The following CCDC62 variants were observed in gnomAD, a reference collection of about 807,000 sequenced individuals.
CCDC62 encodes the protein coiled-coil domain-containing protein 62.
A neutral mutation model predicts 80.8 loss-of-function variants in CCDC62; 72 were observed. The ratio of observed to expected loss-of-function variants is 0.89; its 90% CI spans 0.74 to 1.08. CCDC62 has a LOEUF of 1.08. Ranked by LOEUF, CCDC62 falls within the 50% of genes least tolerant of loss-of-function variation. The pLI, the probability that CCDC62 is intolerant of heterozygous loss-of-function variation, is 0.00. For synonymous variants in CCDC62, 286 were observed against 296.5 expected (o/e 0.96, Z 0.36); for missense variants, 704 against 809.4 (o/e 0.87, Z 1.58).
chr12:122,826,598 C>T lies in CCDC62; in HGVS notation c.*217C>T, dbSNP rs1050357340. 1 of 581,876 alleles carries T rather than the reference C, an allele frequency of 1.7e-6. No homozygotes were observed. Among genetic ancestry groups the T allele is most frequent in the Non-Finnish European group, 3.1e-6 (1 of 324,918 alleles). The allele number at this position is 581,876 out of a possible 1,614,324, so 36.0% of individuals were successfully genotyped here. On this transcript the variant is annotated 3_prime_UTR_variant, in exon 13 of 13. Coordinates refer to ENST00000253079, the MANE Select transcript of CCDC62 (RefSeq NM_201435.5). ...CATTTTCAAGTTAACCATTTTTGTG[C>T]TGAAGAAATATTTTCATGTGTAAGA...
intron 9 of CCDC62, among the ~76,000 whole-genome samples, chr12:122,803,791 A>G (rs2031437536): frequency 6.6e-6 from 1 of 152,168 alleles, no homozygotes; most frequent in Non-Finnish European, 1.5e-5. Flanking sequence ...ATCAGGGCAC[A>G]ATGCCTATTT....
intron 10 of CCDC62, among the ~76,000 whole-genome samples, chr12:122,810,916 A>G (rs1846144741): frequency 6.6e-6 from 1 of 151,930 alleles, no homozygotes; most frequent in South Asian, 2.1e-4. Context: ...AAACTATCAC[A>G]AGGACAAAAA....
At chr12:122,816,497 A>C (rs1232231866) in intron 11 of CCDC62, among the ~76,000 whole-genome samples, 3 of 152,218 alleles carry the variant, frequency 2.0e-5, no homozygotes, top group Non-Finnish European at 4.4e-5. Context: ...AGGCCAAAGC[A>C]GATGGATCAC....
Position 122,826,459 on chromosome 12 carries a change from A to T in CCDC62, c.*78A>T. On this transcript the variant is annotated 3_prime_UTR_variant, in exon 13 of 13. Transcript: ENST00000253079. The stretch of plus-strand genomic sequence containing the variant: ...TGTGGAAGGCAGAAAGCAGACACCA[A>T]TACTGAATGAATACTTAACCGTAAA... 1 of 779,606 alleles carries T rather than the reference A, an allele frequency of 1.3e-6. No individual in the cohort carries two copies. The allele number at this position is 779,606 out of a possible 1,614,324, so 48.3% of individuals were successfully genotyped here.
intron 10 of CCDC62, 119 bp downstream of exon 10, chr12:122,806,414 T>A (rs1341804518): frequency 1.4e-6 from 1 of 713,208 alleles, no homozygotes; most frequent in African/African-American, 1.8e-5. Context: ...GTTTTTTTTT[T>A]TTTTTTTTTA....
In CCDC62 at chr12:122,819,945, C is replaced by T. The variant is rs2032328670; in HGVS notation, c.2002-3421C>T. Among the ~76,000 whole-genome samples the T allele has an allele frequency of 2.0e-5, 3 of 150,884 alleles. No homozygotes were observed. In the South Asian group the frequency reaches 6.3e-4, roughly 32 times the overall value. ...GGCATGGTGGTGCACACTTGTAGTC[C>T]CAGGCACTCGGGAGGCTGGGACAGG... is the stretch of plus-strand genomic sequence containing the variant. On this transcript the variant is annotated intron_variant, in intron 11 of 12. Transcript: ENST00000253079.
chr12:122,789,019 T>A (rs2030441180), intron 5 of CCDC62, 90 bp downstream of exon 5: 1 of 1,015,694 alleles, frequency 9.8e-7, no homozygotes, highest in Non-Finnish European at 1.4e-6. Context: ...TGCTTGAGAG[T>A]AGATCAATTC....
chr12:122,777,344 A>G, intron 1 of CCDC62, 147 bp from the exon 2 acceptor site: 1 of 639,484 alleles, frequency 1.6e-6, no homozygotes. Flanking sequence ...TTAAGTATAC[A>G]TAATCTTTTG....
intron 10 of CCDC62, among the ~76,000 whole-genome samples, chr12:122,808,481 A>G (rs1037972810): frequency 6.6e-6 from 1 of 151,930 alleles, no homozygotes; most frequent in African/African-American, 2.4e-5. Context: ...TCGTTTATCT[A>G]GGAATGGAAT....
chr12:122,789,139 A>G (rs753912174), intron 5 of CCDC62, among the ~76,000 whole-genome samples: 2 of 152,258 alleles, frequency 1.3e-5, no homozygotes, highest in Non-Finnish European at 2.9e-5. Context: ...AGAATGTATC[A>G]TATTTTAAAG....
chr12:122,779,291 C>T (rs1025761301), intron 2 of CCDC62, among the ~76,000 whole-genome samples: 7 of 152,186 alleles, frequency 4.6e-5, no homozygotes, highest in African/African-American at 1.4e-4. Context: ...TAAAGTATGG[C>T]ACCAAGGGAA....
chr12:122,777,611 C>G lies in CCDC62; in HGVS notation c.157C>G (p.Gln53Glu). Residue 53 changes from glutamine to glutamate, a missense_variant, in exon 2 of 13, where the codon CAA (glutamine) becomes GAA (glutamate). Gln to Glu is a conservative substitution (Grantham distance 29). Transcript: ENST00000253079. ...ELNDMVAVHQ[Q>E]QLLSWEEDRQ... is the part of the protein sequence containing the mutation. ...CAATGACATGGTTGCAGTGCACCAG[C>G]AACAGCTTCTTTCATGGGAAGAGGA... 6.2e-7 allele frequency: 1 copy of G among 1,614,150 alleles called. No individual in the cohort carries two copies. Among genetic ancestry groups the G allele is most frequent in the Non-Finnish European group, 8.5e-7 (1 of 1,180,004 alleles).
chr12:122,808,755 T>A (rs4424710), intron 10 of CCDC62, among the ~76,000 whole-genome samples: 1 of 151,954 alleles, frequency 6.6e-6, no homozygotes, highest in Non-Finnish European at 1.5e-5. Flanking sequence ...TCAAACTCCT[T>A]ACCTCAAGCA....
At chr12:122,791,361 A>T (rs956038966) in intron 5 of CCDC62, among the ~76,000 whole-genome samples, 1 of 150,742 alleles carries the variant, frequency 6.6e-6, no homozygotes, top group African/African-American at 2.4e-5. Flanking sequence ...CTGGTTTCGA[A>T]CTCCTGACCT....
intron 1 of CCDC62, 162 bp from the exon 2 acceptor site, chr12:122,777,329 A>G (rs768734455): frequency 6.2e-5 from 37 of 596,604 alleles, no homozygotes; most frequent in African/African-American, 2.2e-4. Context: ...TAACTTGAAC[A>G]TGTTTTAAGT....
At chr12:122,795,572 C>A (rs376046253) in intron 6 of CCDC62, among the ~76,000 whole-genome samples, 2 of 152,018 alleles carry the variant, frequency 1.3e-5, no homozygotes, top group Admixed American at 1.3e-4. Flanking sequence ...TACAGGCGCC[C>A]GCCACCATGC....
At position 122,801,391 on chromosome 12, in the gene CCDC62, A is replaced by G. The variant is rs147086755; in HGVS notation, c.1245A>G (p.Gly415=). 1 of 1,614,016 alleles carries G rather than the reference A, an allele frequency of 6.2e-7. No individual in the cohort carries two copies. The highest frequency in any genetic ancestry group is 1.3e-5 in the African/African-American group (1 of 74,930). The change falls in exon 9 of 13, where the codon GGA becomes GGG. Residue 415 remains glycine, a synonymous_variant. Transcript: ENST00000253079. ...EKHNLPWSLG[G]KTQIEPENKI... ...ACAACCTCCCTTGGTCTCTGGGAGG[A>G]AAAACCCAGATTGAACCCGAAAACA...
At chr12:122,781,390 G>A (rs1319772008) in intron 3 of CCDC62, 60 bp downstream of exon 3, 5 of 1,549,232 alleles carry the variant, frequency 3.2e-6, no homozygotes, top group Non-Finnish European at 4.4e-6. Context: ...TTCAGTTATT[G>A]AAAAATTAGA....
chr12:122,799,453 C>T (rs2031161837), intron 8 of CCDC62, among the ~76,000 whole-genome samples: 1 of 152,190 alleles, frequency 6.6e-6, no homozygotes, highest in Non-Finnish European at 1.5e-5. Flanking sequence ...GAGCCCCACT[C>T]CACCGAGGGT....
Sources: gnomAD v4.1 joint callset for allele counts (sites outside exome capture counted in the v4.1 genomes callset) on GRCh38, gnomAD v4.1.1 for gene constraint, MANE v1.5 for transcripts, NCBI Gene and HGNC (gene_info 2026-07-23, HGNC 2026-07-21) for gene names.